COL4A4: variants seen among roughly 807,000 people sequenced by gnomAD.
COL4A4 encodes the protein collagen type IV alpha 4 chain.
In COL4A4, 105 loss-of-function variants were observed where a neutral mutation model predicts 192.9. The observed-to-expected ratio is 0.54, with a 90% CI of 0.46 to 0.64. COL4A4 has a LOEUF of 0.64. Ranked by LOEUF, COL4A4 falls within the 30% of genes least tolerant of loss-of-function variation. COL4A4 has a pLI of 0.00. For synonymous variants in COL4A4, 762 were observed against 769.9 expected, an observed-to-expected ratio of 0.99 and a Z score of 0.17; for missense variants, 1,967 against 2,169.3, an observed-to-expected ratio of 0.91 and a Z score of 1.85.
chr2:227,044,211 T>G (rs924402848), intron 35 of COL4A4, among the ~76,000 whole-genome samples: 2 of 152,236 alleles, frequency 1.3e-5, no homozygotes, highest in Non-Finnish European at 2.9e-5. Flanking sequence ...GAGGACATTT[T>G]AGTTTTTTGG....
At chr2:227,014,892 C>CT (rs1179125792) in intron 44 of COL4A4, among the ~76,000 whole-genome samples, 1,704 of 106,516 alleles carry the variant, frequency 0.016, 45 homozygotes, top group African/African-American at 0.02. Context: ...CCATGCCTGG[C>CT]TTTTTTTTTT....
At chr2:226,995,705 G>A in the COL4A4 span, 2 of 600,556 alleles carry the variant, frequency 3.3e-6, no homozygotes, top group Non-Finnish European at 6.0e-6. Context: ...AGCTTGCGGG[G>A]AGTGGGCCTT....
In COL4A4 at chr2:227,007,215, C is replaced by CTGG; in HGVS notation, c.*109_*110insCCA. The CTGG allele has an allele frequency of 6.9e-7, 1 of 1,444,642 alleles. No individual in the cohort carries two copies. The highest frequency in any genetic ancestry group is 1.7e-5 in the Admixed American group (1 of 59,752). The allele number at this position is 1,444,642 out of a possible 1,614,324, so 89.5% of individuals were successfully genotyped here. On this transcript the variant is annotated 3_prime_UTR_variant, in exon 48 of 48. Transcript: ENST00000396625. ...ATAACCACGACAAAACAGAAGGAACCACTGAAAGGGAGTCCAAAATGAGCA... is the reference window on the plus strand; with the variant it reads ...ATAACCACGACAAAACAGAAGGAACCTGGACTGAAAGGGAGTCCAAAATGAGCA...
In COL4A4 at chr2:227,088,425, C is replaced by T. The variant is rs570416020; in HGVS notation, c.1623+228G>A. 1.6e-3 allele frequency among the ~76,000 whole-genome samples: 245 copies of T among 152,280 alleles called. 1 individual carries two copies. Among genetic ancestry groups the T allele is most frequent in the Middle Eastern group, 3.4e-3 (1 of 294 alleles). On this transcript the variant is annotated intron_variant, in intron 22 of 47. Coordinates refer to ENST00000396625, the MANE Select transcript of COL4A4 (RefSeq NM_000092.5). ...TCTGATGGTTTTATAAGGGGCTCTT[C>T]CCTGTTCATGCTCTCTGTCACCTGC...
chr2:227,139,436 G>A (rs138437358), intron 4 of COL4A4, among the ~76,000 whole-genome samples: 5 of 152,140 alleles, frequency 3.3e-5, no homozygotes, highest in Admixed American at 1.3e-4. Flanking sequence ...TGAATTAGTG[G>A]GCTGCTGTCA....
intron 4 of COL4A4, among the ~76,000 whole-genome samples, chr2:227,131,940 C>T (rs1490553293): frequency 6.6e-6 from 1 of 152,192 alleles, no homozygotes; most frequent in African/African-American, 2.4e-5. Context: ...CCCCCAGAGC[C>T]GTGGAGGGAG....
At chr2:227,026,719 TC>T (rs1044070201) in intron 42 of COL4A4, among the ~76,000 whole-genome samples, 5 of 152,138 alleles carry the variant, frequency 3.3e-5, no homozygotes, top group Non-Finnish European at 7.4e-5. Flanking sequence ...GCCCCTTCTC[TC>T]CCCAACTCTT....
intron 12 of COL4A4, among the ~76,000 whole-genome samples, chr2:227,105,041 G>A (rs1388850813): frequency 6.6e-6 from 1 of 151,654 alleles, no homozygotes; most frequent in African/African-American, 2.4e-5. Context: ...TTATGTTTAT[G>A]AAAATATAAT....
Position 227,077,863 on chromosome 2 carries a change from A to G in COL4A4, c.1987+31T>C, listed in dbSNP as rs752457563. The G allele has an allele frequency of 6.3e-6, 10 of 1,577,634 alleles. No homozygotes were observed. In the African/African-American group the frequency reaches 8.1e-5, roughly 13 times the overall value. On this transcript the variant is annotated intron_variant, in intron 25 of 47. Coordinates refer to ENST00000396625, the MANE Select transcript of COL4A4 (RefSeq NM_000092.5). ...AAATAAACACTTGTACCCCAAAGCT[A>G]TTGAAATAAATAAAATTTTTTTAAA... is the stretch of plus-strand genomic sequence containing the variant.
At chr2:227,055,573 C>G (rs1975129507) in intron 30 of COL4A4, among the ~76,000 whole-genome samples, 2 of 152,094 alleles carry the variant, frequency 1.3e-5, no homozygotes, top group African/African-American at 4.8e-5. Flanking sequence ...AGTTTCCTAC[C>G]TACAGACCTG....
the COL4A4 span, among the ~76,000 whole-genome samples, chr2:226,984,521 G>A: frequency 6.6e-6 from 1 of 152,180 alleles, no homozygotes; most frequent in African/African-American, 2.4e-5. Context: ...ACCTCCACAT[G>A]CCATCACATT....
intron 24 of COL4A4, among the ~76,000 whole-genome samples, chr2:227,078,490 C>T (rs2059153461): frequency 6.6e-6 from 1 of 152,172 alleles, no homozygotes; most frequent in Admixed American, 6.5e-5. Context: ...CTGCCTCAGC[C>T]TCCCAAAGTG....
At chr2:227,022,789 GT>G (rs1966276873) in intron 43 of COL4A4, among the ~76,000 whole-genome samples, 2 of 152,232 alleles carry the variant, frequency 1.3e-5, no homozygotes, top group African/African-American at 4.8e-5. Flanking sequence ...ATAATAGGAT[GT>G]GGCCTGAGCA....
In COL4A4 at chr2:227,057,472, G is replaced by T; in HGVS notation, c.2512C>A (p.Gln838Lys). The T allele has an allele frequency of 1.2e-6, 2 of 1,611,304 alleles. No homozygotes were observed. Among genetic ancestry groups the T allele is most frequent in the Non-Finnish European group, 1.7e-6 (2 of 1,178,804 alleles). The change falls in exon 29 of 48, where the codon CAA becomes AAA. Residue 838 changes from glutamine (Q) to lysine (K), a missense_variant. Gln to Lys is a moderately conservative substitution (Grantham distance 53). Coordinates refer to ENST00000396625, the MANE Select transcript of COL4A4 (RefSeq NM_000092.5). ...CCTGGATACCCAGGGAGTCCCGGTTGCCCTGGTATCCCTGGAGCACCTCTT... is the reference window on the plus strand; with the variant it reads ...CCTGGATACCCAGGGAGTCCCGGTTTCCCTGGTATCCCTGGAGCACCTCTT... Reference protein sequence around the residue: ...CERGAPGIPGQPGLPGYPGSP... With the variant: ...CERGAPGIPGKPGLPGYPGSP...
rs559525157 is a variant in COL4A4, at chr2:227,108,038, C to T, written c.735+543G>A. 3.3e-5 allele frequency among the ~76,000 whole-genome samples: 5 copies of T among 152,158 alleles called. No homozygotes were observed. The South Asian group carries it at 1.0e-3, about 32-fold the overall frequency. On this transcript the variant is annotated intron_variant, in intron 12 of 47. Transcript: ENST00000396625. Reference sequence around the variant, plus strand: ...CCCAAAGTGCTGGAATTACAGGCATCAGCCATCGTGCTCAGCCCTTAAATC... The same window carrying T: ...CCCAAAGTGCTGGAATTACAGGCATTAGCCATCGTGCTCAGCCCTTAAATC...
intron 7 of COL4A4, among the ~76,000 whole-genome samples, chr2:227,116,030 G>C (rs1028578558): frequency 7.9e-5 from 12 of 152,242 alleles, no homozygotes; most frequent in African/African-American, 2.4e-4. Context: ...CAATGACTGA[G>C]AGGACGACTA....
rs1310922076 is a variant in COL4A4, at chr2:227,005,968, A to G, written c.*1357T>C. On this transcript the variant is annotated 3_prime_UTR_variant, in exon 48 of 48. Coordinates refer to ENST00000396625, the MANE Select transcript of COL4A4 (RefSeq NM_000092.5). ...AAAAAAATAATCATTATAAATTGAC[A>G]CACATTCTAAACTTTTTTAGAAAAT... 3 of 152,268 alleles carry G rather than the reference A, an allele frequency of 2.0e-5. No homozygotes were observed. Among genetic ancestry groups the G allele is most frequent in the African/African-American group, 7.2e-5 (3 of 41,464 alleles). The allele number at this position is 152,268 out of a possible 1,614,324, so 9.4% of individuals were successfully genotyped here.
intron 46 of COL4A4, among the ~76,000 whole-genome samples, chr2:227,008,823 G>A (rs181235681): frequency 3.0e-4 from 45 of 152,332 alleles, no homozygotes; most frequent in African/African-American, 1.1e-3. Context: ...GACATGTTCA[G>A]TGCAGGGACT....
At chr2:227,161,155 T>C (rs1213166850) in intron 1 of COL4A4, among the ~76,000 whole-genome samples, 1 of 152,248 alleles carries the variant, frequency 6.6e-6, no homozygotes, top group Non-Finnish European at 1.5e-5. Context: ...ATTTGTGCTT[T>C]CATTAATTCA....
Sources: gnomAD v4.1 joint callset for allele counts (sites outside exome capture counted in the v4.1 genomes callset) on GRCh38, gnomAD v4.1.1 for gene constraint, MANE v1.5 for transcripts, NCBI Gene and HGNC (gene_info 2026-07-23, HGNC 2026-07-21) for gene names.